The following MACROD2 variants were observed in gnomAD, a reference collection of about 807,000 sequenced individuals.
MACROD2 encodes ADP-ribose glycohydrolase MACROD2.
MACROD2 carries 36 observed loss-of-function variants against 70.4 expected under a neutral mutation model. The ratio of observed to expected loss-of-function variants is 0.51; its 90% CI spans 0.39 to 0.68. The LOEUF (loss-of-function observed/expected upper bound fraction) is 0.68, where lower values mean the gene tolerates loss of function less well. MACROD2 is among the 30% of genes least tolerant of loss of function. MACROD2 has a pLI of 0.00. For synonymous variants in MACROD2, 172 were observed against 178.8 expected (o/e 0.96, Z 0.30); for missense variants, 496 against 538.4 (o/e 0.92, Z 0.78).
intron 5 of MACROD2, among the ~76,000 whole-genome samples, chr20:15,165,629 A>G (rs2076378541): frequency 6.6e-6 from 1 of 152,212 alleles, no homozygotes; most frequent in South Asian, 2.1e-4. Flanking sequence ...ACAAAGTGAC[A>G]CTTATTATGC....
chr20:15,889,859 C>T (rs1207910146), intron 10 of MACROD2, among the ~76,000 whole-genome samples: 1 of 152,110 alleles, frequency 6.6e-6, no homozygotes, highest in Non-Finnish European at 1.5e-5. Context: ...CCACCCTCTG[C>T]CAGACACAGG....
chr20:14,994,460 G>A (rs575724732), intron 5 of MACROD2, among the ~76,000 whole-genome samples: 1 of 152,166 alleles, frequency 6.6e-6, no homozygotes, highest in East Asian at 1.9e-4. Flanking sequence ...AAGGCAGATG[G>A]CACGGGAGCA....
intron 3 of MACROD2, among the ~76,000 whole-genome samples, chr20:14,298,829 A>T (rs1366907430): frequency 6.6e-6 from 1 of 152,308 alleles, no homozygotes; most frequent in East Asian, 1.9e-4. Flanking sequence ...ATATGGTGGA[A>T]ATAGCAGGAG....
In MACROD2 at chr20:14,399,463, G is replaced by T. The variant is rs373408687; in HGVS notation, c.272-94016G>T. 7.2e-5 allele frequency among the ~76,000 whole-genome samples: 11 copies of T among 151,862 alleles called. No individual in the cohort carries two copies. In the East Asian group the frequency reaches 1.5e-3, roughly 21 times the overall value. On this transcript the variant is annotated intron_variant, in intron 3 of 17. Coordinates refer to ENST00000684519, the MANE Select transcript of MACROD2 (RefSeq NM_001351661.2). ...CTGCTGTCATTTTTATCTTTGTTAC[G>T]TAAGATGTAATTTCTCTCTAGCTAC...
At chr20:14,267,231 G>C (rs77617114) in intron 3 of MACROD2, among the ~76,000 whole-genome samples, 2,315 of 152,180 alleles carry the variant, frequency 0.015, 24 homozygotes, top group African/African-American at 0.027. Flanking sequence ...TCTGTAGTTT[G>C]GTAGATATTC....
chr20:14,436,080 A>G (rs2084052899), intron 3 of MACROD2, among the ~76,000 whole-genome samples: 1 of 152,208 alleles, frequency 6.6e-6, no homozygotes, highest in South Asian at 2.1e-4. Flanking sequence ...TACACAATAC[A>G]AAGCAATCTT....
At position 14,403,174 on chromosome 20, in the gene MACROD2, T is replaced by TA. The variant is rs1049698544; in HGVS notation, c.272-90298dup. Among the ~76,000 whole-genome samples the TA allele has an allele frequency of 1.1e-4, 17 of 152,180 alleles. No homozygotes were observed. In the South Asian group the frequency reaches 2.9e-3, roughly 26 times the overall value. On this transcript the variant is annotated intron_variant, in intron 3 of 17. Coordinates refer to ENST00000684519, the MANE Select transcript of MACROD2 (RefSeq NM_001351661.2). Reference sequence around the variant, plus strand: ...GCATTTGTTTAAATACCAATGGAAATAAAAAAATCACTTCTAAGGGGTCCA... The same window carrying TA: ...GCATTTGTTTAAATACCAATGGAAATAAAAAAAATCACTTCTAAGGGGTCCA...
chr20:14,848,561 G>C (rs2073166712), intron 5 of MACROD2, among the ~76,000 whole-genome samples: 1 of 151,994 alleles, frequency 6.6e-6, no homozygotes, highest in Admixed American at 6.6e-5. Context: ...AAAAAGCAGG[G>C]CCGGAATTTG....
intron 6 of MACROD2, among the ~76,000 whole-genome samples, chr20:15,352,673 T>C (rs1470869276): frequency 2.6e-5 from 4 of 152,254 alleles, no homozygotes; most frequent in East Asian, 1.9e-4. Context: ...ACAAAATCAA[T>C]GTGCAAAAAT....
At chr20:14,471,352 G>T (rs1035957842) in intron 3 of MACROD2, among the ~76,000 whole-genome samples, 5 of 152,186 alleles carry the variant, frequency 3.3e-5, no homozygotes, top group African/African-American at 1.2e-4. Context: ...GATGTAGACC[G>T]GAGCTGTTCC....
chr20:14,135,237 A>G (rs2054778772), intron 3 of MACROD2, among the ~76,000 whole-genome samples: 1 of 152,238 alleles, frequency 6.6e-6, no homozygotes, highest in Non-Finnish European at 1.5e-5. Flanking sequence ...TGTCATGGAC[A>G]TAGATATACA....
intron 5 of MACROD2, among the ~76,000 whole-genome samples, chr20:14,805,381 C>A (rs1486032520): frequency 6.6e-6 from 1 of 151,986 alleles, no homozygotes; most frequent in Non-Finnish European, 1.5e-5. Flanking sequence ...TACTTATTTT[C>A]TTTTTTACCT....
At chr20:15,656,691 G>A (rs1226437607) in intron 8 of MACROD2, among the ~76,000 whole-genome samples, 1 of 152,142 alleles carries the variant, frequency 6.6e-6, no homozygotes, top group African/African-American at 2.4e-5. Context: ...CAGAGCCGGA[G>A]GGAGTTTTTT....
At chr20:14,425,169 T>G (rs1284323043) in intron 3 of MACROD2, among the ~76,000 whole-genome samples, 4 of 152,228 alleles carry the variant, frequency 2.6e-5, no homozygotes, top group African/African-American at 9.6e-5. Context: ...CACCCAGTGT[T>G]AGCTTAAGTT....
chr20:14,161,044 G>A (rs531522928), intron 3 of MACROD2, among the ~76,000 whole-genome samples: 6 of 151,930 alleles, frequency 3.9e-5, no homozygotes, highest in South Asian at 2.1e-4. Flanking sequence ...CTTTATGTTC[G>A]TGCATACCCA....
intron 8 of MACROD2, chr20:15,552,880 A>T (rs1202162195): frequency 2.0e-5 from 3 of 152,056 alleles, no homozygotes; most frequent in Admixed American, 2.0e-4. Context: ...CTCTTATTGG[A>T]TTTCTCCCTT....
intron 5 of MACROD2, among the ~76,000 whole-genome samples, chr20:14,998,556 G>A (rs759468580): frequency 6.6e-6 from 1 of 151,974 alleles, no homozygotes; most frequent in African/African-American, 2.4e-5. Context: ...TGAAGACAGG[G>A]TATTTGAAAA....
At chr20:14,101,804 A>T (rs987631903) in intron 3 of MACROD2, among the ~76,000 whole-genome samples, 1 of 151,688 alleles carries the variant, frequency 6.6e-6, no homozygotes, top group Non-Finnish European at 1.5e-5. Flanking sequence ...GTGAGACAAC[A>T]GCTGCTTCGG....
chr20:15,054,601 A>G (rs1399280426), intron 5 of MACROD2, among the ~76,000 whole-genome samples: 2 of 152,242 alleles, frequency 1.3e-5, no homozygotes, highest in African/African-American at 4.8e-5. Context: ...ATACTAGGGA[A>G]TAAAAAAATG....
Sources: allele counts gnomAD v4.1 joint callset (sites outside exome capture counted in the v4.1 genomes callset), GRCh38; gene constraint gnomAD v4.1.1; transcripts MANE v1.5; gene names NCBI Gene and HGNC (gene_info 2026-07-23, HGNC 2026-07-21).